Variants in PPP3CA observed in about 807,000 individuals in gnomAD.
The protein encoded by PPP3CA is protein phosphatase 3 catalytic subunit alpha.
PPP3CA carries 14 observed loss-of-function variants against 66.5 expected under a neutral mutation model. The ratio of observed to expected loss-of-function variants is 0.21; its 90% confidence interval spans 0.14 to 0.33. PPP3CA has a LOEUF of 0.33. Among genes scored for constraint, PPP3CA ranks in the 10% least tolerant of loss-of-function variants. PPP3CA has a pLI of 1.00. For synonymous variants in PPP3CA, 232 were observed against 226.2 expected (o/e 1.03, Z -0.23); for missense variants, 317 against 639.5 (o/e 0.50, Z 5.44).
intron 1 of PPP3CA, among the ~76,000 whole-genome samples, chr4:101,335,438 T>C (rs1729593643): frequency 6.6e-6 from 1 of 152,058 alleles, no homozygotes; most frequent in Admixed American, 6.5e-5. Flanking sequence ...TATCACCACA[T>C]GGTGCTATGC....
At chr4:101,244,358 TAGTG>T (rs1365591725) in intron 1 of PPP3CA, among the ~76,000 whole-genome samples, 2 of 152,158 alleles carry the variant, frequency 1.3e-5, no homozygotes, top group Non-Finnish European at 2.9e-5. Context: ...TCTGTTATGT[TAGTG>T]AGAGAAGAGT....
intron 7 of PPP3CA, among the ~76,000 whole-genome samples, chr4:101,081,298 T>C (rs971102380): frequency 2.0e-5 from 3 of 152,152 alleles, no homozygotes; most frequent in African/African-American, 4.8e-5. Context: ...TGTTTCTATT[T>C]TAGAATTTTA....
intron 2 of PPP3CA, among the ~76,000 whole-genome samples, chr4:101,144,855 C>T (rs73833226): frequency 0.15 from 23,250 of 152,080 alleles, 2,090 homozygotes; most frequent in African/African-American, 0.24. Context: ...CTGAACAATG[C>T]AAATTTTATG....
At chr4:101,290,266 C>G (rs1205606712) in intron 1 of PPP3CA, among the ~76,000 whole-genome samples, 2 of 152,158 alleles carry the variant, frequency 1.3e-5, no homozygotes, top group Non-Finnish European at 2.9e-5. Context: ...TTACCTCTAT[C>G]TCCAGTTTGA....
chr4:101,030,820 C>T (rs944414326), intron 12 of PPP3CA, among the ~76,000 whole-genome samples: 1 of 152,082 alleles, frequency 6.6e-6, no homozygotes, highest in African/African-American at 2.4e-5. Flanking sequence ...TCTGATAATA[C>T]ACTTGCTGTG....
At chr4:101,099,304 T>C (rs1429824795) in intron 4 of PPP3CA, among the ~76,000 whole-genome samples, 2 of 152,150 alleles carry the variant, frequency 1.3e-5, no homozygotes, top group African/African-American at 2.4e-5. Flanking sequence ...TTTTGAGTAA[T>C]GTGAGATTAA....
At chr4:101,187,000 G>A (rs962313155) in intron 2 of PPP3CA, among the ~76,000 whole-genome samples, 1 of 152,174 alleles carries the variant, frequency 6.6e-6, no homozygotes, top group Non-Finnish European at 1.5e-5. Context: ...TGACAGGCAT[G>A]ACACTAACAC....
chr4:101,303,081 A>G (rs771077421), intron 1 of PPP3CA, among the ~76,000 whole-genome samples: 2 of 152,210 alleles, frequency 1.3e-5, no homozygotes, highest in South Asian at 2.1e-4. Flanking sequence ...TTCAATCTCC[A>G]CTGTGACTAC....
intron 2 of PPP3CA, among the ~76,000 whole-genome samples, chr4:101,147,920 A>G (rs1324441377): frequency 6.6e-6 from 1 of 152,146 alleles, no homozygotes; most frequent in Non-Finnish European, 1.5e-5. Context: ...AGTAACTCCA[A>G]AATCTGGTCA....
intron 2 of PPP3CA, among the ~76,000 whole-genome samples, chr4:101,140,070 T>C (rs1011133440): frequency 1.3e-5 from 2 of 152,200 alleles, no homozygotes; most frequent in African/African-American, 2.4e-5. Flanking sequence ...AATAGTATTA[T>C]GACTAGAAGT....
chr4:101,129,649 A>G (rs149262642), intron 2 of PPP3CA, among the ~76,000 whole-genome samples: 13,867 of 152,278 alleles, frequency 0.091, 825 homozygotes, highest in South Asian at 0.16. Flanking sequence ...CCTGCAGCAG[A>G]GGGGCCTGAC....
At chr4:101,311,005 G>A (rs1038602806) in intron 1 of PPP3CA, among the ~76,000 whole-genome samples, 3 of 152,046 alleles carry the variant, frequency 2.0e-5, no homozygotes, top group African/African-American at 7.2e-5. Flanking sequence ...TATGGAAGGA[G>A]ACTAACTTAA....
chr4:101,214,143 G>C (rs1046330633), intron 1 of PPP3CA, among the ~76,000 whole-genome samples: 2 of 151,986 alleles, frequency 1.3e-5, no homozygotes, highest in Non-Finnish European at 2.9e-5. Flanking sequence ...CCTTATTTTG[G>C]GGGGCTAACA....
chr4:101,098,288 T>C (rs1730288608), intron 5 of PPP3CA, 79 bp downstream of exon 5: 1 of 1,401,030 alleles, frequency 7.1e-7, no homozygotes, highest in Non-Finnish European at 9.5e-7. Context: ...AAGTCAGTGA[T>C]AAAGGCAGGG....
intron 2 of PPP3CA, among the ~76,000 whole-genome samples, chr4:101,139,830 T>C (rs1460111597): frequency 2.0e-5 from 3 of 151,970 alleles, no homozygotes; most frequent in Non-Finnish European, 4.4e-5. Flanking sequence ...TCTATTGGCT[T>C]GGGGTGTAAA....
intron 8 of PPP3CA, among the ~76,000 whole-genome samples, chr4:101,070,820 T>C (rs966001577): frequency 6.6e-6 from 1 of 152,200 alleles, no homozygotes; most frequent in Non-Finnish European, 1.5e-5. Flanking sequence ...TAATTGATCT[T>C]TGTATGTAGC....
chr4:101,206,324 T>C (rs1015580923), intron 1 of PPP3CA, among the ~76,000 whole-genome samples: 2 of 152,232 alleles, frequency 1.3e-5, no homozygotes, highest in Non-Finnish European at 2.9e-5. Flanking sequence ...TTTTCAATTG[T>C]TTCATTTATC....
intron 8 of PPP3CA, among the ~76,000 whole-genome samples, chr4:101,065,366 T>C (rs1392820642): frequency 1.3e-5 from 2 of 152,194 alleles, no homozygotes; most frequent in East Asian, 1.9e-4. Context: ...AGGCTCTAAA[T>C]TGTCTTTTTG....
chr4:101,297,509 G>A (rs1451075572), intron 1 of PPP3CA, among the ~76,000 whole-genome samples: 1 of 152,128 alleles, frequency 6.6e-6, no homozygotes, highest in African/African-American at 2.4e-5. Flanking sequence ...GGTCTCTTAG[G>A]AAACATATAG....
Sources: allele counts gnomAD v4.1 joint callset (sites outside exome capture counted in the v4.1 genomes callset), GRCh38; gene constraint gnomAD v4.1.1; transcripts MANE v1.5; gene names NCBI Gene and HGNC (gene_info 2026-07-23, HGNC 2026-07-21).